Variants in AK9 observed in about 807,000 individuals in gnomAD.
AK9 encodes the protein adenylate kinase domain containing 1.
A neutral mutation model predicts 239.6 loss-of-function variants in AK9; 191 were observed. The observed-to-expected ratio is 0.80, with a 90% CI of 0.71 to 0.90. AK9 has a LOEUF of 0.90. AK9 is among the 40% of genes least tolerant of loss of function. The pLI, the probability that AK9 is intolerant of heterozygous loss-of-function variation, is 0.00. For missense variants in AK9, 1,995 were observed against 2,214.7 expected, an observed-to-expected ratio of 0.90 and a Z score of 1.99; for synonymous variants, 689 against 721.0, an observed-to-expected ratio of 0.96 and a Z score of 0.71.
intron 33 of AK9, among the ~76,000 whole-genome samples, chr6:109,507,645 G>A (rs1395659515): frequency 6.6e-6 from 1 of 152,214 alleles, no homozygotes; most frequent in Non-Finnish European, 1.5e-5. Flanking sequence ...GTGGGAGCAA[G>A]CTGGGCATGC....
chr6:109,653,469 C>T (rs531404410), intron 8 of AK9, among the ~76,000 whole-genome samples: 3 of 152,122 alleles, frequency 2.0e-5, no homozygotes, highest in Admixed American at 1.3e-4. Context: ...CTTATCATAG[C>T]CTCTACGCAT....
At chr6:109,632,247 T>G (rs191873795) in intron 12 of AK9, 11 of 985,502 alleles carry the variant, frequency 1.1e-5, no homozygotes, top group Admixed American at 1.2e-4. Flanking sequence ...GAACAACTTC[T>G]AACACCTTTC....
In AK9 at chr6:109,506,667, C is replaced by A; in HGVS notation, c.4615G>T (p.Glu1539Ter). The change falls in exon 34 of 41, where the codon GAA becomes TAA. Residue 1539 changes from glutamate to a stop codon, truncating the protein, a stop_gained. Coordinates refer to ENST00000424296, the MANE Select transcript of AK9 (RefSeq NM_001145128.3). LOFTEE classifies it high-confidence loss of function. Reference protein sequence around the residue: ...EIFKRLLLEKENEQRLPYPLH... With the variant: ...EIFKRLLLEK ...CATGTACATTACCTTTGTTCATTTT[C>A]TTTTTCTAGGAGCAATCTTTTGAAA... 6.5e-7 allele frequency: 1 copy of A among 1,529,572 alleles called. No homozygotes were observed. The highest frequency in any genetic ancestry group is 1.2e-5 in the South Asian group (1 of 81,260). The allele number at this position is 1,529,572 out of a possible 1,614,324, so 94.8% of individuals were successfully genotyped here. A position where few individuals can be genotyped will look rare whatever the true frequency, so the allele number is the denominator to read the frequency against.
intron 29 of AK9, among the ~76,000 whole-genome samples, chr6:109,526,882 G>A (rs1179990855): frequency 2.6e-5 from 4 of 152,186 alleles, no homozygotes; most frequent in Non-Finnish European, 5.9e-5. Flanking sequence ...CTCCCTAGAG[G>A]ATCCTGGAGA....
intron 20 of AK9, among the ~76,000 whole-genome samples, chr6:109,578,858 A>C (rs1429985751): frequency 2.6e-5 from 2 of 77,802 alleles, no homozygotes; most frequent in Non-Finnish European, 3.1e-5. Context: ...TTTGGAATTT[A>C]TTTCCAATTT....
chr6:109,553,729 C>A (rs1343312413), intron 24 of AK9, among the ~76,000 whole-genome samples: 3 of 152,126 alleles, frequency 2.0e-5, no homozygotes, highest in African/African-American at 7.2e-5. Context: ...CCAGAACGTC[C>A]AATACTATGT....
chr6:109,664,218 C>T (rs559325410), intron 5 of AK9, among the ~76,000 whole-genome samples: 1 of 152,208 alleles, frequency 6.6e-6, no homozygotes, highest in African/African-American at 2.4e-5. Flanking sequence ...AGCATAACTA[C>T]TTATGGAGCC....
intron 39 of AK9, among the ~76,000 whole-genome samples, chr6:109,494,863 A>C (rs1228228713): frequency 6.6e-6 from 1 of 151,744 alleles, no homozygotes; most frequent in African/African-American, 2.4e-5. Flanking sequence ...GGATAAATAA[A>C]GTATAACTTA....
chr6:109,607,220 T>G (rs955024893), intron 17 of AK9, among the ~76,000 whole-genome samples: 2 of 152,142 alleles, frequency 1.3e-5, no homozygotes, highest in East Asian at 3.8e-4. Context: ...AAAATAAACC[T>G]AATGAGAGAC....
At chr6:109,591,760 G>A (rs376456621) in intron 17 of AK9, among the ~76,000 whole-genome samples, 20 of 151,852 alleles carry the variant, frequency 1.3e-4, no homozygotes, top group South Asian at 6.2e-4. Context: ...CTTATTGTTC[G>A]CTTGCCTGGG....
rs1753340519 is a variant in AK9, at chr6:109,564,770, T to G, written c.2420A>C (p.Lys807Thr). ...TACAGTCTAACCTGTTTCAGATAAT[T>G]TTTCAATTTCCAGGCCCTCTTTGGA... is the stretch of plus-strand genomic sequence containing the variant. ...KGSKEGLEIE[K>T]LSETVVLPEF... Residue 807 changes from lysine to threonine, a missense_variant, in exon 22 of 41, where the codon AAA becomes ACA. Lys to Thr is a moderately conservative substitution (Grantham distance 78). Coordinates refer to ENST00000424296, the MANE Select transcript of AK9 (RefSeq NM_001145128.3). 6.5e-7 allele frequency: 1 copy of G among 1,544,044 alleles called. No individual in the cohort carries two copies. The highest frequency in any genetic ancestry group is 8.7e-7 in the Non-Finnish European group (1 of 1,143,030).
Position 109,542,186 on chromosome 6 carries a change from C to T in AK9, c.3226-15G>A, listed in dbSNP as rs1344433742. 1 of 1,575,374 alleles carries T rather than the reference C, an allele frequency of 6.3e-7. No individual in the cohort carries two copies. Among genetic ancestry groups the T allele is most frequent in the Non-Finnish European group, 8.6e-7 (1 of 1,164,330 alleles). On this transcript the variant is annotated splice_polypyrimidine_tract_variant and intron_variant, in intron 26 of 40. Transcript: ENST00000424296. ...ACTTCTGGAAGCTAAAAACAAAAAT[C>T]AGAAAACAAAACAAGTTTTAAAACT...
At chr6:109,544,892 A>G (rs1037395466) in intron 26 of AK9, among the ~76,000 whole-genome samples, 6 of 152,198 alleles carry the variant, frequency 3.9e-5, no homozygotes, top group Admixed American at 6.5e-5. Flanking sequence ...TCTAAGTCAG[A>G]TATACCAAAT....
chr6:109,530,607 C>T (rs1326706625), intron 28 of AK9, among the ~76,000 whole-genome samples: 1 of 152,142 alleles, frequency 6.6e-6, no homozygotes, highest in Non-Finnish European at 1.5e-5. Context: ...TCTACTTTTC[C>T]TCTGCTCCTT....
At chr6:109,532,563 G>T (rs1175886142) in intron 28 of AK9, among the ~76,000 whole-genome samples, 1 of 152,178 alleles carries the variant, frequency 6.6e-6, no homozygotes, top group African/African-American at 2.4e-5. Flanking sequence ...TTTTATCCAT[G>T]TTACAGGATG....
Position 109,506,456 on chromosome 6 carries a change from GATA to G in AK9, c.4717_4719del (p.Tyr1573del), listed in dbSNP as rs1197500869. 1.2e-6 allele frequency: 2 copies of G among 1,613,554 alleles called. No individual in the cohort carries two copies. Among genetic ancestry groups the G allele is most frequent in the Non-Finnish European group, 1.7e-6 (2 of 1,179,872 alleles). On this transcript the variant is annotated inframe_deletion, in exon 35 of 41. Coordinates refer to ENST00000424296, the MANE Select transcript of AK9 (RefSeq NM_001145128.3). ...ACATACCAGTTCTGATGCTGTTCTTGATAATATTGCCTAATCTCACCAATATTT... is the reference window on the plus strand; with the variant it reads ...ACATACCAGTTCTGATGCTGTTCTTGATATTGCCTAATCTCACCAATATTT...
intron 7 of AK9, among the ~76,000 whole-genome samples, chr6:109,657,277 A>G (rs1333255818): frequency 6.6e-6 from 1 of 152,192 alleles, no homozygotes; most frequent in Non-Finnish European, 1.5e-5. Context: ...GGAATAGAAC[A>G]GTGAACAAAA....
chr6:109,499,073 A>G lies in AK9; in HGVS notation c.5017T>C (p.Tyr1673His). ...EFAAEFRGHY[Y>H]KMSSQEKLNK... ...AGTTTTTCCTGAGAACTCATTTTAT[A>G]GTAGTGCCCCCTGAACTCTGCTGCA... The change falls in exon 36 of 41, where the codon TAT becomes CAT. Residue 1673 changes from tyrosine (Y) to histidine (H), a missense_variant. Tyr to His is a moderately conservative substitution (Grantham distance 83, BLOSUM62 2). Around this residue, in one of 5 missense-constraint regions of AK9, gnomAD observed 391 missense variants for 456.0 expected, o/e 0.86. Coordinates refer to ENST00000424296, the MANE Select transcript of AK9 (RefSeq NM_001145128.3). The G allele has an allele frequency of 1.3e-6, 2 of 1,565,840 alleles. No homozygotes were observed. The highest frequency in any genetic ancestry group is 2.3e-5 in the East Asian group (1 of 43,040).
chr6:109,629,437 G>A (rs945662102), intron 12 of AK9, among the ~76,000 whole-genome samples: 1 of 152,040 alleles, frequency 6.6e-6, no homozygotes, highest in African/African-American at 2.4e-5. Context: ...TTTCCATGCA[G>A]TAAAATGGCC....
Sources: allele counts gnomAD v4.1 joint callset (sites outside exome capture counted in the v4.1 genomes callset), GRCh38; gene constraint gnomAD v4.1.1; regional missense constraint gnomAD v4.1.1; transcripts MANE v1.5; gene names NCBI Gene and HGNC (gene_info 2026-07-23, HGNC 2026-07-21).